The following ATF7 variants were observed in gnomAD, a reference collection of about 807,000 sequenced individuals.
The protein encoded by ATF7 is cyclic AMP-dependent transcription factor ATF-7.
A neutral mutation model predicts 50.4 loss-of-function variants in ATF7; 10 were observed. That is an observed-to-expected ratio of 0.20 (90% CI 0.12 to 0.34). ATF7 has a LOEUF of 0.34. ATF7 is among the 10% of genes least tolerant of loss of function. The probability of loss-of-function intolerance (pLI) is 1.00; values close to 1 mark genes in which losing one functional copy is unlikely to be tolerated. For missense variants in ATF7, 465 were observed against 613.9 expected (o/e 0.76, Z 2.56); for synonymous variants, 201 against 226.4 (o/e 0.89, Z 1.01).
At chr12:53,576,053 T>C (rs1942049692) in intron 2 of ATF7, 1 of 157,222 alleles carries the variant, frequency 6.4e-6, no homozygotes, top group Middle Eastern at 6.7e-4. Flanking sequence ...TGGGCAAGAC[T>C]TCAGCTTGAA....
intron 11 of ATF7, among the ~76,000 whole-genome samples, chr12:53,519,138 T>C (rs1937932240): frequency 6.6e-6 from 1 of 152,200 alleles, no homozygotes; most frequent in South Asian, 2.1e-4. Context: ...TTTTATTCTT[T>C]GTGTTTTCAC....
intron 1 of ATF7, among the ~76,000 whole-genome samples, chr12:53,617,141 G>A (rs1467199317): frequency 1.3e-5 from 2 of 151,998 alleles, no homozygotes; most frequent in Non-Finnish European, 2.9e-5. Context: ...TCCCGCTTCA[G>A]CCTCCCAAGT....
intron 2 of ATF7, among the ~76,000 whole-genome samples, chr12:53,572,041 T>A (rs1385530774): frequency 6.6e-6 from 1 of 151,398 alleles, no homozygotes; most frequent in Non-Finnish European, 1.5e-5. Context: ...CACTCCAGCC[T>A]GGGATACAGA....
intron 2 of ATF7, among the ~76,000 whole-genome samples, chr12:53,569,344 G>A (rs1210742592): frequency 6.6e-6 from 1 of 152,132 alleles, no homozygotes; most frequent in African/African-American, 2.4e-5. Flanking sequence ...TAAACTACTT[G>A]CATTTTTTCT....
chr12:53,572,767 T>C (rs1454263015), intron 2 of ATF7, among the ~76,000 whole-genome samples: 2 of 150,264 alleles, frequency 1.3e-5, no homozygotes, highest in African/African-American at 4.9e-5. Context: ...GGTGATAGAG[T>C]GAGACCCTGC....
chr12:53,512,166 C>T lies in ATF7; in HGVS notation c.*4971G>A, dbSNP rs945223730. On this transcript the variant is annotated 3_prime_UTR_variant, in exon 12 of 12. Coordinates refer to ENST00000420353, the MANE Select transcript of ATF7 (RefSeq NM_006856.3). Reference sequence around the variant, plus strand: ...AGCTGGGGGGATAACTGCTAAGTGGCAAGGGGGAAAGGAAGACAGTATGGT... The same window carrying T: ...AGCTGGGGGGATAACTGCTAAGTGGTAAGGGGGAAAGGAAGACAGTATGGT... 1.3e-5 allele frequency: 2 copies of T among 152,032 alleles called. No homozygotes were observed. The highest frequency in any genetic ancestry group is 6.6e-5 in the Admixed American group (1 of 15,246). The allele number at this position is 152,032 out of a possible 1,614,324, so 9.4% of individuals were successfully genotyped here. A position where few individuals can be genotyped will look rare whatever the true frequency, so the allele number is the denominator to read the frequency against.
chr12:53,617,168 G>T (rs1048466229), intron 1 of ATF7, among the ~76,000 whole-genome samples: 1 of 152,088 alleles, frequency 6.6e-6, no homozygotes, highest in South Asian at 2.1e-4. Flanking sequence ...CGCTACAAAC[G>T]CATGTCACCA....
At chr12:53,608,150 G>GCAGA (rs1943693515) in intron 1 of ATF7, among the ~76,000 whole-genome samples, 1 of 150,712 alleles carries the variant, frequency 6.6e-6, no homozygotes, top group Admixed American at 6.6e-5. Context: ...AACCCAGGAG[G>GCAGA]CAGAGGTTGC....
intron 1 of ATF7, among the ~76,000 whole-genome samples, chr12:53,601,708 T>C (rs554704409): frequency 1.3e-5 from 2 of 152,234 alleles, no homozygotes; most frequent in Middle Eastern, 6.8e-3. Flanking sequence ...AAAGCAGCAA[T>C]AAAACAAATG....
At chr12:53,593,336 G>A (rs774709012) in intron 2 of ATF7, among the ~76,000 whole-genome samples, 3 of 152,100 alleles carry the variant, frequency 2.0e-5, no homozygotes, top group African/African-American at 4.8e-5. Context: ...GCAGGCTTCA[G>A]TGAGTTATGA....
chr12:53,600,774 T>A, intron 2 of ATF7, 179 bp downstream of exon 2: 1 of 563,416 alleles, frequency 1.8e-6, no homozygotes, highest in Non-Finnish European at 3.2e-6. Context: ...CAAGGCAGAT[T>A]TCATTACGGT....
At chr12:53,584,898 G>T (rs974326887) in intron 2 of ATF7, among the ~76,000 whole-genome samples, 2 of 152,098 alleles carry the variant, frequency 1.3e-5, no homozygotes, top group African/African-American at 4.8e-5. Context: ...GGGAAGTGAG[G>T]GATGAACAGG....
chr12:53,533,371 C>T (rs1210282739), intron 6 of ATF7, 112 bp from the exon 7 acceptor site: 1 of 826,254 alleles, frequency 1.2e-6, no homozygotes, highest in Non-Finnish European at 1.9e-6. Context: ...AGGTATAGGG[C>T]AGCATGGTAA....
intron 2 of ATF7, among the ~76,000 whole-genome samples, chr12:53,567,417 T>C (rs1941498964): frequency 6.6e-6 from 1 of 152,206 alleles, no homozygotes; most frequent in East Asian, 1.9e-4. Flanking sequence ...CACTCCTCAC[T>C]AAAGAATGGA....
intron 2 of ATF7, among the ~76,000 whole-genome samples, chr12:53,597,771 G>A (rs1412687531): frequency 6.7e-6 from 1 of 149,776 alleles, no homozygotes; most frequent in African/African-American, 2.5e-5. Context: ...ATAGCGCCAC[G>A]GCACTCCAGC....
intron 2 of ATF7, among the ~76,000 whole-genome samples, chr12:53,589,823 C>G (rs1178896640): frequency 6.6e-6 from 1 of 152,154 alleles, no homozygotes. Flanking sequence ...CTAAATTTTC[C>G]AGAGTAGGGA....
At position 53,553,666 on chromosome 12, in the gene ATF7, T is replaced by A. The variant is rs1320595332; in HGVS notation, c.49-1029A>T. ...CTGGCCATATTCCTTCATTAAAACA[T>A]GACTGCAACACAGTAACAGCCCGGA... On this transcript the variant is annotated intron_variant, in intron 2 of 11. Coordinates refer to ENST00000420353, the MANE Select transcript of ATF7 (RefSeq NM_006856.3). Among the ~76,000 whole-genome samples, 9 of 152,314 alleles carry A rather than the reference T, an allele frequency of 5.9e-5. No homozygotes were observed. In the East Asian group the frequency reaches 1.2e-3, roughly 20 times the overall value.
chr12:53,578,715 T>G (rs959897478), intron 2 of ATF7, among the ~76,000 whole-genome samples: 4 of 151,232 alleles, frequency 2.6e-5, no homozygotes, highest in African/African-American at 9.7e-5. Context: ...GCCAGGGATG[T>G]TGAGGCTGTA....
intron 1 of ATF7, among the ~76,000 whole-genome samples, chr12:53,603,384 G>GA (rs200881393): frequency 7.1e-4 from 105 of 147,282 alleles, no homozygotes; most frequent in Middle Eastern, 3.4e-3. Flanking sequence ...CTTTCTGAAA[G>GA]AAAAAAAAAC....
Sources: gnomAD v4.1 joint callset for allele counts (sites outside exome capture counted in the v4.1 genomes callset) on GRCh38, gnomAD v4.1.1 for gene constraint, MANE v1.5 for transcripts, NCBI Gene and HGNC (gene_info 2026-07-23, HGNC 2026-07-21) for gene names.